SATL1: variants seen among roughly 807,000 people sequenced by gnomAD.
The protein encoded by SATL1 is spermidine/spermine N1-acetyl transferase like 1.
SATL1 carries 47 observed loss-of-function variants against 51.8 expected under a neutral mutation model. That is an observed-to-expected ratio of 0.91 (90% CI 0.72 to 1.16). The LOEUF (loss-of-function observed/expected upper bound fraction) is 1.16. Among genes scored for constraint, SATL1 ranks in the 50% most tolerant of loss-of-function variants. The pLI is 0.00. For missense variants in SATL1, 520 were observed against 526.4 expected (o/e 0.99, Z 0.12); for synonymous variants, 176 against 182.4 (o/e 0.97, Z 0.28).
intron 2 of SATL1, among the ~76,000 whole-genome samples, chrX:85,125,429 G>A (rs1925598775): frequency 9.0e-6 from 1 of 110,629 alleles, no homozygotes; most frequent in African/African-American, 3.3e-5. Flanking sequence ...CAGGCAAAAT[G>A]TGCAATCAAA....
chrX:85,157,493 A>G (rs756261985), intron 2 of SATL1, among the ~76,000 whole-genome samples: 1 of 111,666 alleles, frequency 9.0e-6, no homozygotes, highest in South Asian at 3.8e-4. Flanking sequence ...CCTAAAAGTT[A>G]GAGAACCGTG....
chrX:85,221,210 C>T (rs771865612), intron 2 of SATL1, among the ~76,000 whole-genome samples: 7 of 111,790 alleles, frequency 6.3e-5, no homozygotes, highest in African/African-American at 2.3e-4. Context: ...CTTTCTGTCT[C>T]TATCTATATT....
chrX:85,201,166 G>T (rs1014914897), intron 2 of SATL1, among the ~76,000 whole-genome samples: 4 of 111,604 alleles, frequency 3.6e-5, no homozygotes, highest in African/African-American at 1.3e-4. Flanking sequence ...TTGTGCATGT[G>T]TGTGTGCACT....
chrX:85,135,264 C>T (rs1294463540), intron 2 of SATL1, among the ~76,000 whole-genome samples: 2 of 110,560 alleles, frequency 1.8e-5, no homozygotes, highest in African/African-American at 3.3e-5. Flanking sequence ...GTGAAGCAAA[C>T]AACCATGGCA....
intron 1 of SATL1, among the ~76,000 whole-genome samples, chrX:85,225,358 T>C (rs1408500780): frequency 8.9e-6 from 1 of 112,419 alleles, no homozygotes; most frequent in East Asian, 2.8e-4. Context: ...AGATGTTCCA[T>C]TGGGGGAAAC....
intron 2 of SATL1, chrX:85,210,506 GC>G (rs1416860909): frequency 9.2e-6 from 1 of 108,870 alleles, no homozygotes; most frequent in African/African-American, 3.3e-5. Flanking sequence ...CACTGCTGAA[GC>G]TAAAGAGTCT....
At chrX:85,167,220 T>G (rs1206123736) in intron 2 of SATL1, among the ~76,000 whole-genome samples, 2 of 97,322 alleles carry the variant, frequency 2.1e-5, no homozygotes, top group Non-Finnish European at 4.1e-5. Flanking sequence ...TACGGATGAT[T>G]GATATAATGA....
chrX:85,166,617 C>A (rs939129068), intron 2 of SATL1, among the ~76,000 whole-genome samples: 13 of 110,706 alleles, frequency 1.2e-4, no homozygotes, highest in African/African-American at 3.0e-4. Context: ...ACTAAAAAAT[C>A]AAAAAATAAT....
chrX:85,242,381 G>A (rs1052322638), intron 1 of SATL1, among the ~76,000 whole-genome samples: 3 of 112,268 alleles, frequency 2.7e-5, no homozygotes, highest in Non-Finnish European at 5.6e-5. Context: ...ACCTACAGAG[G>A]TGGGCAAACT....
intron 2 of SATL1, among the ~76,000 whole-genome samples, chrX:85,149,640 A>T (rs944299687): frequency 1.8e-5 from 2 of 112,117 alleles, no homozygotes; most frequent in Non-Finnish European, 3.8e-5. Context: ...CAATCAAATT[A>T]GAACTCAGGA....
chrX:85,214,273 C>T (rs1335947409), intron 2 of SATL1, among the ~76,000 whole-genome samples: 2 of 111,436 alleles, frequency 1.8e-5, no homozygotes, highest in Non-Finnish European at 3.8e-5. Context: ...AAGGAGCTGG[C>T]ATGTGCAGAG....
At chrX:85,212,794 C>G (rs1012202045) in intron 2 of SATL1, 2 of 111,151 alleles carry the variant, frequency 1.8e-5, no homozygotes, top group African/African-American at 6.5e-5. Context: ...AAGCATTTAT[C>G]AACCACGCAA....
intron 2 of SATL1, among the ~76,000 whole-genome samples, chrX:85,198,847 C>CT (rs896852194): frequency 3.3e-4 from 35 of 105,840 alleles, no homozygotes; most frequent in Admixed American, 8.3e-4. Context: ...CTTATTCATT[C>CT]TTTTTTTTTT....
chrX:85,139,448 A>G (rs780831984), intron 2 of SATL1, among the ~76,000 whole-genome samples: 9 of 111,410 alleles, frequency 8.1e-5, no homozygotes, highest in Non-Finnish European at 1.7e-4. Context: ...ACAGATGGAG[A>G]AACTGAAATA....
chrX:85,168,864 T>G (rs971714670), intron 2 of SATL1, among the ~76,000 whole-genome samples: 2 of 111,770 alleles, frequency 1.8e-5, no homozygotes, highest in Admixed American at 1.9e-4. Context: ...ATTACCCAAC[T>G]TCAAACTATA....
At chrX:85,125,333 T>C (rs1481630975) in intron 2 of SATL1, among the ~76,000 whole-genome samples, 2 of 111,221 alleles carry the variant, frequency 1.8e-5, no homozygotes, top group African/African-American at 6.5e-5. Flanking sequence ...ATAACAAAGA[T>C]ATCTAATTGA....
At chrX:85,196,231 CA>C (rs1927558613) in intron 2 of SATL1, among the ~76,000 whole-genome samples, 1 of 110,741 alleles carries the variant, frequency 9.0e-6, no homozygotes, top group Admixed American at 9.7e-5. Context: ...ATAAATTTAA[CA>C]AAAAAGCACA....
chrX:85,216,758 G>C (rs1928052860), intron 2 of SATL1, among the ~76,000 whole-genome samples: 1 of 111,946 alleles, frequency 8.9e-6, no homozygotes, highest in Non-Finnish European at 1.9e-5. Flanking sequence ...ATATTGGCCA[G>C]ATGCAAGTCA....
intron 2 of SATL1, among the ~76,000 whole-genome samples, chrX:85,194,957 G>A (rs910830247): frequency 1.8e-5 from 2 of 109,251 alleles, no homozygotes; most frequent in African/African-American, 6.7e-5. Context: ...AACCCCCATG[G>A]CATGTGTATA....
Sources: gnomAD v4.1 joint callset for allele counts (sites outside exome capture counted in the v4.1 genomes callset) on GRCh38, gnomAD v4.1.1 for gene constraint, MANE v1.5 for transcripts, NCBI Gene and HGNC (gene_info 2026-07-23, HGNC 2026-07-21) for gene names.